The following RYR3 variants were observed in gnomAD, a reference collection of about 807,000 sequenced individuals.
The protein encoded by RYR3 is ryanodine receptor 3, also known as brain ryanodine receptor-calcium release channel.
A neutral mutation model predicts 584.3 loss-of-function variants in RYR3; 207 were observed. The observed-to-expected ratio is 0.35, with a 90% CI of 0.32 to 0.40. The LOEUF is 0.40. RYR3 is among the 10% of genes least tolerant of loss of function. The probability of loss-of-function intolerance (pLI) is 1.00; values close to 1 mark genes in which losing one functional copy is unlikely to be tolerated. For synonymous variants in RYR3, 2,416 were observed against 2,248.5 expected, an observed-to-expected ratio of 1.07 and a Z score of -2.11; for missense variants, 5,616 against 6,089.2, an observed-to-expected ratio of 0.92 and a Z score of 2.59.
intron 18 of RYR3, among the ~76,000 whole-genome samples, chr15:33,605,905 A>G (rs1207560547): frequency 6.6e-6 from 1 of 152,232 alleles, no homozygotes; most frequent in Non-Finnish European, 1.5e-5. Flanking sequence ...AGTGGTCGTG[A>G]TAAATTATTC....
intron 3 of RYR3, among the ~76,000 whole-genome samples, chr15:33,519,393 T>C (rs2053793785): frequency 6.6e-6 from 1 of 152,170 alleles, no homozygotes; most frequent in Admixed American, 6.5e-5. Flanking sequence ...TTTGCTTCTT[T>C]GGAGTTCCGG....
chr15:33,357,175 C>G (rs1248590022), intron 1 of RYR3, among the ~76,000 whole-genome samples: 1 of 152,170 alleles, frequency 6.6e-6, no homozygotes, highest in African/African-American at 2.4e-5. Context: ...GGGCCCAGCC[C>G]TACTTCTGCC....
intron 16 of RYR3, among the ~76,000 whole-genome samples, chr15:33,595,951 T>C (rs1045918448): frequency 9.9e-5 from 15 of 152,148 alleles, no homozygotes; most frequent in African/African-American, 3.6e-4. Context: ...ATGACAGGGT[T>C]GGACTTTCTG....
chr15:33,455,369 G>A (rs1237356860), intron 1 of RYR3, among the ~76,000 whole-genome samples: 3 of 152,110 alleles, frequency 2.0e-5, no homozygotes, highest in African/African-American at 4.8e-5. Flanking sequence ...TGAGTTAATC[G>A]TCAACTTGGA....
intron 34 of RYR3, 107 bp from the exon 35 acceptor site, chr15:33,662,046 C>A: frequency 2.4e-6 from 2 of 850,148 alleles, no homozygotes; most frequent in South Asian, 1.8e-5. Flanking sequence ...GTGGCAGAGA[C>A]CCCTCCAACC....
intron 62 of RYR3, among the ~76,000 whole-genome samples, 188 bp from the exon 63 acceptor site, chr15:33,771,726 GTGGCTA>G (rs2073591129): frequency 1.3e-5 from 2 of 152,308 alleles, no homozygotes; most frequent in Non-Finnish European, 2.9e-5. Flanking sequence ...AGACTGTCCA[GTGGCTA>G]GCCCCTCTGG....
intron 14 of RYR3, 60 bp from the exon 15 acceptor site, chr15:33,584,335 G>C: frequency 1.1e-6 from 1 of 877,472 alleles, no homozygotes. Flanking sequence ...AGCTTTCCAA[G>C]TTCTCACGCC....
intron 1 of RYR3, among the ~76,000 whole-genome samples, chr15:33,337,888 T>C (rs959639294): frequency 5.3e-5 from 8 of 150,290 alleles, no homozygotes; most frequent in Non-Finnish European, 1.2e-4. Context: ...ATTATACATA[T>C]GTCAGTAGAG....
At chr15:33,612,812 T>C (rs2060263542) in intron 18 of RYR3, among the ~76,000 whole-genome samples, 1 of 152,238 alleles carries the variant, frequency 6.6e-6, no homozygotes, top group Non-Finnish European at 1.5e-5. Context: ...CACCAGCTAC[T>C]TCTGAAGAGC....
chr15:33,767,498 G>C (rs1322406917), intron 60 of RYR3, among the ~76,000 whole-genome samples: 2 of 147,972 alleles, frequency 1.4e-5, no homozygotes, highest in Non-Finnish European at 3.0e-5. Flanking sequence ...TTTTCCAGTA[G>C]ACAGTCCAAA....
rs1478784274 is a variant in RYR3 at position 33,503,655 on chromosome 15, T to A, written c.196T>A (p.Cys66Ser). 23 of 1,611,580 alleles carry A rather than the reference T, an allele frequency of 1.4e-5. No individual in the cohort carries two copies. Among genetic ancestry groups the A allele is most frequent in the Non-Finnish European group, 2.0e-5 (23 of 1,178,408 alleles). Residue 66 changes from cysteine to serine, a missense_variant, in exon 3 of 104, where the codon TGC becomes AGC. Coordinates refer to ENST00000634891, the MANE Select transcript of RYR3 (RefSeq NM_001036.6). ...GTACATTCCTCCAGATCTCTGCGTC[T>A]GCAATTTTGTGCTGGAACAGTCCCT... The part of the protein sequence containing the change: ...AKYIPPDLCV[C>S]NFVLEQSLSV...
intron 24 of RYR3, 44 bp from the exon 25 acceptor site, chr15:33,634,542 G>C (rs545301407): frequency 2.5e-6 from 4 of 1,607,866 alleles, no homozygotes; most frequent in African/African-American, 2.7e-5. Context: ...CTGTGGTGAA[G>C]GTGAAATGTT....
chr15:33,601,692 A>G, intron 17 of RYR3, 140 bp downstream of exon 17: 1 of 837,450 alleles, frequency 1.2e-6, no homozygotes, highest in Non-Finnish European at 1.9e-6. Context: ...GACAAGACCA[A>G]GCAAATGTGC....
intron 9 of RYR3, among the ~76,000 whole-genome samples, chr15:33,548,999 T>A (rs1331994783): frequency 1.3e-5 from 2 of 152,174 alleles, no homozygotes. Context: ...CAAGGGCTCC[T>A]GAAGATAATC....
intron 1 of RYR3, among the ~76,000 whole-genome samples, chr15:33,366,280 T>A (rs1975485584): frequency 6.6e-6 from 1 of 152,180 alleles, no homozygotes; most frequent in African/African-American, 2.4e-5. Flanking sequence ...TGGTCCTGCG[T>A]CATTTATTCT....
intron 22 of RYR3, 44 bp downstream of exon 22, chr15:33,630,087 T>C (rs1246352122): frequency 5.5e-6 from 6 of 1,088,950 alleles, no homozygotes; most frequent in African/African-American, 3.1e-5. Flanking sequence ...AATGAATAGA[T>C]GATTTAATGC....
chr15:33,795,592 C>T (rs2075564671), intron 67 of RYR3, among the ~76,000 whole-genome samples: 1 of 151,944 alleles, frequency 6.6e-6, no homozygotes, highest in Admixed American at 6.5e-5. Flanking sequence ...CAGGGTTTCG[C>T]CGTGTTGGTC....
Position 33,864,173 on chromosome 15 carries a change from CAG to C in RYR3, c.14504_14505del (p.Glu4835AlafsTer24), listed in dbSNP as rs1353688383. On this transcript the variant is annotated frameshift_variant, in exon 103 of 104. Transcript: ENST00000634891. LOFTEE classifies it high-confidence loss of function. ...ATGTATTTGATTAATAAAGATGAAACAGAGCACACGGGTCAGGTGAGAAATTA... is the reference window on the plus strand; with the variant it reads ...ATGTATTTGATTAATAAAGATGAAACAGCACACGGGTCAGGTGAGAAATTA... The C allele has an allele frequency of 1.2e-6, 2 of 1,611,890 alleles. No homozygotes were observed. The highest frequency in any genetic ancestry group is 1.7e-6 in the Non-Finnish European group (2 of 1,178,700).
chr15:33,477,837 T>C (rs1329891609), intron 2 of RYR3, among the ~76,000 whole-genome samples: 1 of 108,240 alleles, frequency 9.2e-6, no homozygotes, highest in South Asian at 2.8e-4. Flanking sequence ...ATGGCGCCAC[T>C]GCACTCCAGC....
Sources: allele counts gnomAD v4.1 joint callset (sites outside exome capture counted in the v4.1 genomes callset), GRCh38; gene constraint gnomAD v4.1.1; transcripts MANE v1.5; gene names NCBI Gene and HGNC (gene_info 2026-07-23, HGNC 2026-07-21).